Variants in IRAK4 observed in about 807,000 individuals in gnomAD.
IRAK4 encodes interleukin 1 receptor associated kinase 4, also known as interleukin-1 receptor-associated kinase 4.
Under a neutral mutation model 51.8 loss-of-function variants are expected in IRAK4, and 44 were observed. The ratio of observed to expected loss-of-function variants is 0.85; its 90% CI spans 0.67 to 1.09. IRAK4 has a LOEUF of 1.09. IRAK4 is among the 50% of genes least tolerant of loss of function. The pLI, the probability that IRAK4 is intolerant of heterozygous loss-of-function variation, is 0.00. For missense variants in IRAK4, 487 were observed against 538.0 expected, an observed-to-expected ratio of 0.91 and a Z score of 0.94; for synonymous variants, 149 against 174.1, an observed-to-expected ratio of 0.86 and a Z score of 1.13.
chr12:43,780,634 CG>C (rs934268387), intron 8 of IRAK4, among the ~76,000 whole-genome samples: 2 of 149,834 alleles, frequency 1.3e-5, no homozygotes, highest in Non-Finnish European at 3.0e-5. Context: ...TGCGATGGCG[CG>C]GTCTTGGCTC....
At chr12:43,760,765 C>T (rs994552186) in intron 1 of IRAK4, among the ~76,000 whole-genome samples, 7 of 152,260 alleles carry the variant, frequency 4.6e-5, no homozygotes, top group Middle Eastern at 3.4e-3. Flanking sequence ...TTCTCTATTT[C>T]GTTTTGTTCT....
intron 1 of IRAK4, among the ~76,000 whole-genome samples, chr12:43,760,374 C>T (rs1939386982): frequency 6.6e-6 from 1 of 152,216 alleles, no homozygotes. Context: ...CTTACTCCAA[C>T]ATCCTTTATT....
intron 1 of IRAK4, among the ~76,000 whole-genome samples, chr12:43,765,377 T>C (rs1940020344): frequency 1.3e-5 from 2 of 152,214 alleles, no homozygotes. Flanking sequence ...TCCCTTAAAA[T>C]GAGTTACTGA....
intron 5 of IRAK4, chr12:43,773,733 C>T: frequency 1.2e-5 from 4 of 323,830 alleles, no homozygotes; most frequent in South Asian, 8.9e-5. Context: ...CGTGTTATTT[C>T]ATTTTGTTTC....
In IRAK4 at chr12:43,778,320, A is replaced by G. The variant is rs11182261; in HGVS notation, c.941+18A>G. 12,640 of 1,373,232 alleles carry G rather than the reference A, an allele frequency of 9.2e-3. 176 individuals carry two copies. The highest frequency in any genetic ancestry group is 0.056 in the East Asian group (2,437 of 43,720). The allele number at this position is 1,373,232 out of a possible 1,614,324, so 85.1% of individuals were successfully genotyped here. A position where few individuals can be genotyped will look rare whatever the true frequency, so the allele number is the denominator to read the frequency against. The stretch of plus-strand genomic sequence containing the variant: ...ATTAAAAGGTAAATGCTACTGTTTA[A>G]AAGTTTTTGGAAAGCTGTCTTTAAA... On this transcript the variant is annotated intron_variant, in intron 8 of 11. Coordinates refer to ENST00000613694, the MANE Select transcript of IRAK4 (RefSeq NM_016123.4).
chr12:43,785,637 T>TA (rs201488947), intron 10 of IRAK4, among the ~76,000 whole-genome samples: 10,953 of 147,202 alleles, frequency 0.074, 926 homozygotes, highest in African/African-American at 0.21. Flanking sequence ...TATATATATA[T>TA]TTATATATAT....
chr12:43,778,356 C>T, intron 8 of IRAK4, 54 bp downstream of exon 8: 1 of 979,638 alleles, frequency 1.0e-6, no homozygotes. Context: ...GAATAATTTG[C>T]TGTCACTCTA....
chr12:43,783,687 T>C lies in IRAK4; in HGVS notation c.1151T>C (p.Leu384Pro). Residue 384 changes from leucine to proline, a missense_variant, in exon 10 of 12, where the codon CTT becomes CCT. Coordinates refer to ENST00000613694, the MANE Select transcript of IRAK4 (RefSeq NM_016123.4). ...GTTTTACTAGAAATAATAACTGGAC[T>C]TCCAGCTGTGGATGAACACCGTGAA... ...GVVLLEIITG[L>P]PAVDEHREPQ... 1 of 1,607,922 alleles carries C rather than the reference T, an allele frequency of 6.2e-7. No individual in the cohort carries two copies. Among genetic ancestry groups the C allele is most frequent in the Non-Finnish European group, 8.5e-7 (1 of 1,174,700 alleles).
chr12:43,786,440 TGAA>T lies in IRAK4; in HGVS notation c.1233_1235del (p.Glu411del). The T allele has an allele frequency of 6.2e-7, 1 of 1,604,352 alleles. No homozygotes were observed. Among genetic ancestry groups the T allele is most frequent in the Non-Finnish European group, 8.5e-7 (1 of 1,175,704 alleles). ...AAATTGAAGATGAAGAAAAGACAAT[TGAA>T]GATTATATTGATAAAAAGATGAATG... On this transcript the variant is annotated inframe_deletion, in exon 11 of 12. Coordinates refer to ENST00000613694, the MANE Select transcript of IRAK4 (RefSeq NM_016123.4).
intron 8 of IRAK4, among the ~76,000 whole-genome samples, chr12:43,779,261 T>TA (rs906181028): frequency 2.7e-5 from 4 of 150,736 alleles, no homozygotes; most frequent in Non-Finnish European, 4.4e-5. Context: ...AGACTCTGTC[T>TA]AAAAAAAAAT....
intron 10 of IRAK4, 116 bp downstream of exon 10, chr12:43,783,840 C>A: frequency 1.4e-6 from 1 of 718,926 alleles, no homozygotes; most frequent in Non-Finnish European, 2.5e-6. Context: ...TTTCCATTGG[C>A]TATTACACGA....
intron 1 of IRAK4, among the ~76,000 whole-genome samples, chr12:43,766,302 C>T (rs933832459): frequency 3.3e-5 from 5 of 152,108 alleles, no homozygotes; most frequent in African/African-American, 1.2e-4. Context: ...CATGCTATTC[C>T]CTCTGCCTGG....
rs781731425 is a variant in IRAK4, at chr12:43,786,742, T to C, written c.*27T>C. On this transcript the variant is annotated 3_prime_UTR_variant, in exon 12 of 12. Transcript: ENST00000613694. ...ACTTTATTGGAAAAGACTCTTGACT[T>C]TTTATATACACCTATCTCAACCATT... The C allele has an allele frequency of 2.5e-6, 4 of 1,589,126 alleles. No individual in the cohort carries two copies. The Admixed American group carries it at 5.0e-5, about 20-fold the overall frequency.
At position 43,784,016 on chromosome 12, in the gene IRAK4, G is replaced by A. The variant is rs185682816; in HGVS notation, c.1188+292G>A. On this transcript the variant is annotated intron_variant, in intron 10 of 11. Transcript: ENST00000613694. ...GTCCTCTTTAGCTTATGTTTATTTTGTGTCACTTTTGGGGTGGCTACTGTT... is the reference window on the plus strand; with the variant it reads ...GTCCTCTTTAGCTTATGTTTATTTTATGTCACTTTTGGGGTGGCTACTGTT... 4.6e-5 allele frequency among the ~76,000 whole-genome samples: 7 copies of A among 152,046 alleles called. No homozygotes were observed. The East Asian group carries it at 1.4e-3, about 29-fold the overall frequency.
At chr12:43,766,922 A>G (rs1451421410) in intron 1 of IRAK4, among the ~76,000 whole-genome samples, 1 of 152,202 alleles carries the variant, frequency 6.6e-6, no homozygotes, top group African/African-American at 2.4e-5. Flanking sequence ...TTACAAATAC[A>G]TTGTGCAGTG....
At chr12:43,762,135 T>C (rs1939627344) in intron 1 of IRAK4, among the ~76,000 whole-genome samples, 1 of 152,100 alleles carries the variant, frequency 6.6e-6, no homozygotes, top group Non-Finnish European at 1.5e-5. Context: ...GATAACCACG[T>C]TAATATTTTG....
At chr12:43,772,815 A>G in intron 4 of IRAK4, 97 bp from the exon 5 acceptor site, 1 of 866,442 alleles carries the variant, frequency 1.2e-6, no homozygotes, top group Non-Finnish European at 1.8e-6. Context: ...CAAAATCATA[A>G]ATATTTGCAT....
chr12:43,772,084 C>G (rs993334326), intron 3 of IRAK4, 96 bp from the exon 4 acceptor site: 4 of 947,516 alleles, frequency 4.2e-6, no homozygotes, highest in African/African-American at 1.6e-5. Context: ...CCTGTAGAAA[C>G]TGGAATGATA....
At chr12:43,778,689 A>G (rs1252597423) in intron 8 of IRAK4, among the ~76,000 whole-genome samples, 1 of 152,090 alleles carries the variant, frequency 6.6e-6, no homozygotes, top group Non-Finnish European at 1.5e-5. Context: ...TTTACCTACT[A>G]TAAGTAACAT....
Sources: gnomAD v4.1 joint callset for allele counts (sites outside exome capture counted in the v4.1 genomes callset) on GRCh38, gnomAD v4.1.1 for gene constraint, MANE v1.5 for transcripts, NCBI Gene and HGNC (gene_info 2026-07-23, HGNC 2026-07-21) for gene names.